The following CFAP92 variants were observed in gnomAD, a reference collection of about 807,000 sequenced individuals.
The protein encoded by CFAP92 is uncharacterized protein CFAP92.
A neutral mutation model predicts 106.3 loss-of-function variants in CFAP92; 86 were observed. The ratio of observed to expected loss-of-function variants is 0.81; its 90% CI spans 0.68 to 0.97. CFAP92 has a LOEUF of 0.97. Among genes scored for constraint, CFAP92 ranks in the 50% least tolerant of loss-of-function variants. The pLI, the probability that CFAP92 is intolerant of heterozygous loss-of-function variation, is 0.00. For synonymous variants in CFAP92, 477 were observed against 506.4 expected (o/e 0.94, Z 0.78); for missense variants, 1,204 against 1,283.8 (o/e 0.94, Z 0.95).
At chr3:128,994,165 C>G (rs916136261), upstream of CFAP92, 34 of 985,576 alleles carry the variant, frequency 3.4e-5, 1 homozygote, top group Admixed American at 4.3e-4. Context: ...GGGCGTGCGG[C>G]CTGGGGGCGG....
At chr3:128,918,033 C>T (rs1936959356) in intron 12 of CFAP92, among the ~76,000 whole-genome samples, 1 of 152,166 alleles carries the variant, frequency 6.6e-6, no homozygotes, top group South Asian at 2.1e-4. Context: ...GAGCAGGCCA[C>T]CTGTAAAGAA....
Position 128,988,915 on chromosome 3 carries a change from T to C in CFAP92, c.266A>G (p.Gln89Arg). ...AATCAAACTTGCATATTTTCCCTTCTGACCTTGAAGATACAGATTGAAAAA... is the reference window on the plus strand; with the variant it reads ...AATCAAACTTGCATATTTTCCCTTCCGACCTTGAAGATACAGATTGAAAAA... ...ISLAFPVNMG[Q>R]KGKYASLIEK... The change falls in exon 3 of 16, where the codon CAG (glutamine) becomes CGG (arginine). Residue 89 changes from glutamine to arginine, a missense_variant. Coordinates refer to ENST00000645291, the MANE Select transcript of CFAP92 (RefSeq NM_001394090.1). 6.2e-7 allele frequency: 1 copy of C among 1,611,064 alleles called. No individual in the cohort carries two copies. Among genetic ancestry groups the C allele is most frequent in the Non-Finnish European group, 8.5e-7 (1 of 1,177,814 alleles).
chr3:128,991,882 G>A, intron 2 of CFAP92: 1 of 986,914 alleles, frequency 1.0e-6, no homozygotes, highest in Non-Finnish European at 1.2e-6. Flanking sequence ...CTATCAAGAT[G>A]TGAAGTACTA....
Position 128,915,224 on chromosome 3 carries a change from G to A in CFAP92, c.3175C>T (p.Arg1059Ter), listed in dbSNP as rs1233830152. The change falls in exon 15 of 16, where the codon CGA becomes TGA. Residue 1059 changes from arginine (R) to a stop codon, truncating the protein, a stop_gained. Coordinates refer to ENST00000645291, the MANE Select transcript of CFAP92 (RefSeq NM_001394090.1). LOFTEE classifies it high-confidence loss of function. Reference sequence around the variant, plus strand: ...TGCCTGTCCCAGCTCCACCTGTCTCGATCCAACACAGGCTCCAGTACATTA... The same window carrying A: ...TGCCTGTCCCAGCTCCACCTGTCTCAATCCAACACAGGCTCCAGTACATTA... ...FANVLEPVLD[R>*]DRWSWDRHHV... is the part of the protein sequence containing the mutation. 3.3e-6 allele frequency: 5 copies of A among 1,535,982 alleles called. No individual in the cohort carries two copies. The highest frequency in any genetic ancestry group is 1.4e-5 in the African/African-American group (1 of 73,018).
chr3:128,991,663 C>T, intron 2 of CFAP92: 1 of 541,260 alleles, frequency 1.8e-6, no homozygotes, highest in South Asian at 5.1e-5. Context: ...TCACTTGGGG[C>T]TGACGCCATT....
chr3:128,988,133 G>A (rs1335454188), intron 3 of CFAP92, among the ~76,000 whole-genome samples: 1 of 152,118 alleles, frequency 6.6e-6, no homozygotes, highest in Non-Finnish European at 1.5e-5. Context: ...TGCAGGTAGT[G>A]TGTACACACA....
intron 7 of CFAP92, among the ~76,000 whole-genome samples, chr3:128,975,015 G>T (rs1331446197): frequency 6.6e-6 from 1 of 151,948 alleles, no homozygotes; most frequent in South Asian, 2.1e-4. Flanking sequence ...AGCTATTCGG[G>T]AGGCTGAGGC....
At position 128,910,072 on chromosome 3, in the gene CFAP92, A is replaced by T. The variant is rs1405512516; in HGVS notation, c.*227T>A. On this transcript the variant is annotated 3_prime_UTR_variant, in exon 16 of 16. Coordinates refer to ENST00000645291, the MANE Select transcript of CFAP92 (RefSeq NM_001394090.1). The stretch of plus-strand genomic sequence containing the variant: ...GAAGCGGGTGGCCAACATCCTCATC[A>T]ACCTGTATGGCATGACGGCCGTGCT... The T allele has an allele frequency of 6.2e-7, 1 of 1,614,030 alleles. No individual in the cohort carries two copies. Among genetic ancestry groups the T allele is most frequent in the Non-Finnish European group, 8.5e-7 (1 of 1,180,018 alleles).
In CFAP92 at chr3:128,910,259, C is replaced by G; in HGVS notation, c.*40G>C. 6.4e-7 allele frequency: 1 copy of G among 1,557,462 alleles called. No homozygotes were observed. The highest frequency in any genetic ancestry group is 1.3e-5 in the African/African-American group (1 of 74,316). On this transcript the variant is annotated 3_prime_UTR_variant, in exon 16 of 16. Coordinates refer to ENST00000645291, the MANE Select transcript of CFAP92 (RefSeq NM_001394090.1). ...GTGGTCGGGTGTGGGGGAGGCTGTG[C>G]AGGTTCACCATGCGGTGGCCGTGGG...
the CFAP92 span, among the ~76,000 whole-genome samples, chr3:129,010,455 G>C: frequency 6.6e-6 from 1 of 151,796 alleles, no homozygotes; most frequent in Admixed American, 6.6e-5. The surrounding 1 kb of genome is among the most constrained non-coding windows in gnomAD (Gnocchi z 4.3). Context: ...AGGCCTGGCG[G>C]CCTGGCCTCT....
At chr3:129,024,530 CAAAAAAAAAGAA>C in the CFAP92 span, among the ~76,000 whole-genome samples, 32 of 126,386 alleles carry the variant, frequency 2.5e-4, no homozygotes, top group South Asian at 4.2e-3. Context: ...GACTCCGTCG[CAAAAAAAAAGAA>C]AAAAAAAAAG....
rs1049278714 is a variant in CFAP92, at chr3:128,978,086, C to T, written c.767G>A (p.Gly256Glu). The change falls in exon 5 of 16, where the codon GGA becomes GAA. Residue 256 changes from glycine (G) to glutamate (E), a missense_variant. By Grantham distance (98) the Gly-to-Glu change is moderately conservative (BLOSUM62 -2). Transcript: ENST00000645291. ...REESNQEHPP[G>E]KQEKTEKHPK... ...GTGTTTTTCTGTTTTTTCTTGTTTTCCTGGCGGATGTTCCTGGTTCGACTC... is the reference window on the plus strand; with the variant it reads ...GTGTTTTTCTGTTTTTTCTTGTTTTTCTGGCGGATGTTCCTGGTTCGACTC... 5.6e-6 allele frequency: 9 copies of T among 1,613,860 alleles called. No individual in the cohort carries two copies. The East Asian group carries it at 8.9e-5, about 16-fold the overall frequency.
intron 9 of CFAP92, among the ~76,000 whole-genome samples, chr3:128,952,673 C>G (rs112882042): frequency 6.6e-6 from 1 of 152,092 alleles, no homozygotes; most frequent in Non-Finnish European, 1.5e-5. Context: ...CCCAGCTGCT[C>G]GGGAGGCTGA....
At chr3:128,964,197 G>T (rs200260244) in intron 9 of CFAP92, among the ~76,000 whole-genome samples, 2 of 152,052 alleles carry the variant, frequency 1.3e-5, no homozygotes. Context: ...AAGAAAAGTA[G>T]AACGGACTAA....
chr3:128,946,311 A>G (rs1364608792), intron 9 of CFAP92, among the ~76,000 whole-genome samples: 2 of 151,904 alleles, frequency 1.3e-5, no homozygotes, highest in Non-Finnish European at 2.9e-5. Context: ...GAGGCTGGGC[A>G]CAGAAAAGGT....
chr3:128,937,312 CAAAA>C (rs34884891), intron 10 of CFAP92, among the ~76,000 whole-genome samples: 2 of 85,274 alleles, frequency 2.3e-5, no homozygotes, highest in South Asian at 4.1e-4. Context: ...GACCCTGTCT[CAAAA>C]AAAAAAAAAA....
At chr3:128,949,631 T>A (rs1305998137) in intron 9 of CFAP92, among the ~76,000 whole-genome samples, 1 of 152,232 alleles carries the variant, frequency 6.6e-6, no homozygotes, top group African/African-American at 2.4e-5. Context: ...AGGAGGGGTT[T>A]GGGGTAACAG....
chr3:128,960,241 C>T (rs1019206613), intron 9 of CFAP92, among the ~76,000 whole-genome samples: 1 of 152,258 alleles, frequency 6.6e-6, no homozygotes, highest in African/African-American at 2.4e-5. Context: ...TTCACACGGA[C>T]GCGCATGAAA....
At chr3:128,991,626 G>A (rs1371852298) in intron 2 of CFAP92, 1 of 227,480 alleles carries the variant, frequency 4.4e-6, no homozygotes, top group Non-Finnish European at 7.6e-6. Context: ...CCTGTTTACA[G>A]GAGACTATAA....
Sources: allele counts gnomAD v4.1 joint callset (sites outside exome capture counted in the v4.1 genomes callset), GRCh38; gene constraint gnomAD v4.1.1; non-coding constraint Gnocchi (gnomAD v3.1); transcripts MANE v1.5; gene names NCBI Gene and HGNC (gene_info 2026-07-23, HGNC 2026-07-21).